NDE1: variants seen among roughly 807,000 people sequenced by gnomAD.
The protein encoded by NDE1 is nuclear distribution protein nudE homolog 1.
Under a neutral mutation model 43.4 loss-of-function variants are expected in NDE1, and 28 were observed. The observed-to-expected ratio is 0.65, with a 90% CI of 0.48 to 0.89. The LOEUF is 0.89. Among genes scored for constraint, NDE1 ranks in the 40% least tolerant of loss-of-function variants. NDE1 has a pLI of 0.00. For synonymous variants in NDE1, 184 were observed against 172.0 expected (o/e 1.07, Z -0.55); for missense variants, 441 against 434.1 (o/e 1.02, Z -0.14).
At chr16:15,702,295 A>G (rs1008507066) in intron 8 of NDE1, among the ~76,000 whole-genome samples, 4 of 152,204 alleles carry the variant, frequency 2.6e-5, no homozygotes, top group African/African-American at 9.6e-5. Context: ...TACTCTAAGA[A>G]TGATTTATTA....
intron 4 of NDE1, among the ~76,000 whole-genome samples, chr16:15,682,644 A>C (rs2038240556): frequency 6.6e-6 from 1 of 152,230 alleles, no homozygotes. Flanking sequence ...GTTTCATATG[A>C]GTACTAAGAT....
At chr16:15,704,828 C>T (rs893837888) in intron 8 of NDE1, among the ~76,000 whole-genome samples, 1 of 152,194 alleles carries the variant, frequency 6.6e-6, no homozygotes, top group South Asian at 2.1e-4. Context: ...GGAAATTATA[C>T]GTGTTAATCC....
chr16:15,724,263 G>C lies in NDE1; in HGVS notation c.*12G>C. On this transcript the variant is annotated 3_prime_UTR_variant, in exon 9 of 9. Coordinates refer to ENST00000396354, the MANE Select transcript of NDE1 (RefSeq NM_017668.3). ...CCAGCTCCTGCTGAAGCCTGTTCTT[G>C]GTCTTTTCCAGTTTATCATAAGCGG... The C allele has an allele frequency of 6.2e-7, 1 of 1,614,168 alleles. No homozygotes were observed. The highest frequency in any genetic ancestry group is 2.2e-5 in the East Asian group (1 of 44,886).
rs929440760 is a variant in NDE1, at chr16:15,670,493, A to C, written c.237+3054A>C. ...ACCAACATGACAAAACCCTGTCTCTACTAAAACTACAAAATTAGCTGGGTG... is the reference window on the plus strand; with the variant it reads ...ACCAACATGACAAAACCCTGTCTCTCCTAAAACTACAAAATTAGCTGGGTG... On this transcript the variant is annotated intron_variant, in intron 3 of 8. Coordinates refer to ENST00000396354, the MANE Select transcript of NDE1 (RefSeq NM_017668.3). Among the ~76,000 whole-genome samples, 3 of 152,148 alleles carry C rather than the reference A, an allele frequency of 2.0e-5. No individual in the cohort carries two copies. The South Asian group carries it at 6.2e-4, about 32-fold the overall frequency.
In NDE1 at chr16:15,725,028, T is replaced by C. The variant is rs2040681643; in HGVS notation, c.*777T>C. ...CAAGAGACTGGTTAGTCAAAGCCTC[T>C]AGAAGGGGATCCTCGTTGAAAGGAG... On this transcript the variant is annotated 3_prime_UTR_variant, in exon 9 of 9. Coordinates refer to ENST00000396354, the MANE Select transcript of NDE1 (RefSeq NM_017668.3). The C allele has an allele frequency of 6.3e-7, 1 of 1,577,522 alleles. No homozygotes were observed. The highest frequency in any genetic ancestry group is 1.1e-5 in the South Asian group (1 of 89,828).
chr16:15,667,907 C>T (rs1178117794), intron 3 of NDE1, among the ~76,000 whole-genome samples: 1 of 151,708 alleles, frequency 6.6e-6, no homozygotes, highest in East Asian at 1.9e-4. Flanking sequence ...AAGTCACACA[C>T]ATGTTCCCGT....
intron 4 of NDE1, among the ~76,000 whole-genome samples, chr16:15,685,396 G>A (rs781300265): frequency 4.6e-5 from 7 of 152,014 alleles, no homozygotes; most frequent in Non-Finnish European, 1.0e-4. Flanking sequence ...TGGGACTACA[G>A]GCACGCATCA....
chr16:15,664,686 T>A, intron 1 of NDE1, 50 bp from the exon 2 acceptor site: 2 of 951,514 alleles, frequency 2.1e-6, no homozygotes, highest in Non-Finnish European at 3.4e-6. Flanking sequence ...TTAAAGGGGA[T>A]CAGCTGTTTA....
At chr16:15,661,777 A>T (rs1032075702) in intron 1 of NDE1, among the ~76,000 whole-genome samples, 2 of 151,834 alleles carry the variant, frequency 1.3e-5, no homozygotes, top group Non-Finnish European at 2.9e-5. Context: ...GGTGATGGGG[A>T]TGGTGGCGGC....
At position 15,714,958 on chromosome 16, in the gene NDE1, T is replaced by G. The variant is rs760586766; in HGVS notation, c.948-9233T>G. 19 of 1,614,104 alleles carry G rather than the reference T, an allele frequency of 1.2e-5. No homozygotes were observed. Among genetic ancestry groups the G allele is most frequent in the Non-Finnish European group, 1.6e-5 (19 of 1,180,044 alleles). ...ACCTCGCGGCCCATGGCCTCGTTGC[T>G]CTCCGTGGCCTCATCCAGCTCCCGC... On this transcript the variant is annotated intron_variant, in intron 8 of 8. Transcript: ENST00000396354.
At position 15,691,082 on chromosome 16, in the gene NDE1, A is replaced by G. The variant is rs2038724448; in HGVS notation, c.524-62A>G. On this transcript the variant is annotated intron_variant, in intron 5 of 8. Transcript: ENST00000396354. ...CTTGGCCTCCCAAAGTGCTGGCATT[A>G]TAAACATGAGCCACTGCGCCTGGCT... 3.1e-6 allele frequency: 5 copies of G among 1,607,740 alleles called. No homozygotes were observed. In the East Asian group the frequency reaches 8.9e-5, roughly 29 times the overall value.
chr16:15,722,126 G>T (rs145950940), intron 8 of NDE1, among the ~76,000 whole-genome samples: 1 of 151,958 alleles, frequency 6.6e-6, no homozygotes, highest in Admixed American at 6.6e-5. Context: ...CCCAAAGCAC[G>T]GAGATTACAG....
intron 1 of NDE1, among the ~76,000 whole-genome samples, chr16:15,663,101 C>G (rs534348968): frequency 3.9e-4 from 59 of 152,276 alleles, no homozygotes; most frequent in Admixed American, 3.1e-3. Flanking sequence ...TTCAGTCTGT[C>G]CAGGTAGGTT....
At chr16:15,687,027 T>A in intron 4 of NDE1, 1 of 985,392 alleles carries the variant, frequency 1.0e-6, no homozygotes. Flanking sequence ...CTGGTTGGCA[T>A]TGTGAGCTTG....
At chr16:15,722,157 C>G (rs969818815) in intron 8 of NDE1, among the ~76,000 whole-genome samples, 7 of 152,186 alleles carry the variant, frequency 4.6e-5, no homozygotes, top group Admixed American at 4.6e-4. Context: ...CCACACCTGG[C>G]CAAATCCTTG....
chr16:15,697,567 G>A (rs2039070581), intron 8 of NDE1, among the ~76,000 whole-genome samples: 1 of 151,954 alleles, frequency 6.6e-6, no homozygotes, highest in Admixed American at 6.6e-5. Context: ...AGAAAAATGA[G>A]CCAGGCATGG....
chr16:15,657,632 C>T lies in NDE1; in HGVS notation c.-43-7104C>T, dbSNP rs567378162. ...TTTGAGATGGGGTCTTGTTCTGTCG[C>T]CCAGGCTGGGAGGCTGGAATGCAGT... On this transcript the variant is annotated intron_variant, in intron 1 of 8. Coordinates refer to ENST00000396354, the MANE Select transcript of NDE1 (RefSeq NM_017668.3). Among the ~76,000 whole-genome samples, 94 of 151,900 alleles carry T rather than the reference C, an allele frequency of 6.2e-4. 2 individuals carry two copies. The South Asian group carries it at 0.012, about 20-fold the overall frequency.
At chr16:15,648,085 G>GT (rs1184960345), upstream of NDE1, among the ~76,000 whole-genome samples, 2 of 151,764 alleles carry the variant, frequency 1.3e-5, no homozygotes, top group African/African-American at 2.4e-5. Flanking sequence ...GTTTTTATGG[G>GT]TACACTGTAG....
At chr16:15,657,343 C>G (rs1399091668) in intron 1 of NDE1, among the ~76,000 whole-genome samples, 2 of 151,884 alleles carry the variant, frequency 1.3e-5, no homozygotes, top group African/African-American at 4.8e-5. Context: ...AGGTGAACCA[C>G]CCGCCTTGGC....
Sources: allele counts gnomAD v4.1 joint callset (sites outside exome capture counted in the v4.1 genomes callset), GRCh38; gene constraint gnomAD v4.1.1; transcripts MANE v1.5; gene names NCBI Gene and HGNC (gene_info 2026-07-23, HGNC 2026-07-21).